The following NRXN3 variants were observed in gnomAD, a reference collection of about 807,000 sequenced individuals.
The protein encoded by NRXN3 is neurexin 3.
NRXN3 carries 32 observed loss-of-function variants against 137.6 expected under a neutral mutation model. The ratio of observed to expected loss-of-function variants is 0.23; its 90% CI spans 0.18 to 0.31. NRXN3 has a LOEUF of 0.31. NRXN3 is among the 10% of genes least tolerant of loss of function. NRXN3 has a pLI of 1.00. For missense variants in NRXN3, 1,574 were observed against 2,062.5 expected (o/e 0.76, Z 4.59); for synonymous variants, 798 against 784.5 (o/e 1.02, Z -0.29).
At chr14:79,859,844 A>G (rs1247853555) in intron 20 of NRXN3, among the ~76,000 whole-genome samples, 1 of 152,208 alleles carries the variant, frequency 6.6e-6, no homozygotes, top group Non-Finnish European at 1.5e-5. Flanking sequence ...CATTCGCAGC[A>G]TCCCTGCGAG....
intron 8 of NRXN3, among the ~76,000 whole-genome samples, chr14:78,729,115 G>A (rs1010906040): frequency 2.6e-5 from 4 of 152,194 alleles, no homozygotes; most frequent in African/African-American, 4.8e-5. Context: ...AGTACATGGA[G>A]GAGTATTATT....
intron 4 of NRXN3, among the ~76,000 whole-genome samples, chr14:78,524,571 T>TA (rs1407015329): frequency 6.6e-5 from 10 of 152,194 alleles, no homozygotes; most frequent in African/African-American, 2.2e-4. Context: ...AATTTTTTTT[T>TA]ATAACAACTT....
At chr14:79,816,915 T>C (rs1476259291) in intron 20 of NRXN3, among the ~76,000 whole-genome samples, 4 of 152,226 alleles carry the variant, frequency 2.6e-5, no homozygotes, top group East Asian at 1.9e-4. Context: ...CATTGCTCTG[T>C]AAAAGAGTTT....
At chr14:78,980,130 A>C (rs1301336134) in intron 14 of NRXN3, among the ~76,000 whole-genome samples, 2 of 152,214 alleles carry the variant, frequency 1.3e-5, no homozygotes, top group African/African-American at 2.4e-5. Flanking sequence ...CCTTTGACTT[A>C]AGCCCTTCAC....
chr14:78,345,341 T>A (rs1044375552), intron 4 of NRXN3, among the ~76,000 whole-genome samples: 16 of 152,206 alleles, frequency 1.1e-4, no homozygotes, highest in African/African-American at 3.9e-4. Flanking sequence ...TCCCTGCTAA[T>A]GTAAATCGCA....
chr14:79,036,701 C>T (rs866768907), intron 15 of NRXN3, among the ~76,000 whole-genome samples: 2 of 144,784 alleles, frequency 1.4e-5, no homozygotes, highest in Non-Finnish European at 3.0e-5. Context: ...ACGACAGTCC[C>T]GAAGGAACTT....
At chr14:78,843,058 A>T (rs1475663357) in intron 10 of NRXN3, among the ~76,000 whole-genome samples, 8 of 152,134 alleles carry the variant, frequency 5.3e-5, no homozygotes, top group African/African-American at 1.7e-4. Context: ...GATGATGGGA[A>T]TAAGAGATTA....
chr14:79,796,365 G>A (rs1176464740), intron 19 of NRXN3, among the ~76,000 whole-genome samples: 3 of 152,100 alleles, frequency 2.0e-5, no homozygotes, highest in African/African-American at 7.2e-5. Context: ...ATTGAAGTTT[G>A]GTTAATCTTC....
At chr14:78,948,991 G>T (rs1347315598) in intron 10 of NRXN3, among the ~76,000 whole-genome samples, 1 of 152,014 alleles carries the variant, frequency 6.6e-6, no homozygotes, top group Non-Finnish European at 1.5e-5. Flanking sequence ...CTAAAGCTGG[G>T]GTATAGTAGA....
chr14:79,568,433 T>G (rs2097569518), intron 16 of NRXN3, among the ~76,000 whole-genome samples: 2 of 152,154 alleles, frequency 1.3e-5, no homozygotes. Context: ...AATTCACCTC[T>G]CTAAGATTAT....
At chr14:78,537,528 G>A (rs571185134) in intron 4 of NRXN3, among the ~76,000 whole-genome samples, 1 of 152,244 alleles carries the variant, frequency 6.6e-6, no homozygotes, top group African/African-American at 2.4e-5. Context: ...CAGATGGGTA[G>A]GTTGCAAAAA....
intron 15 of NRXN3, among the ~76,000 whole-genome samples, chr14:79,227,787 C>T (rs61995408): frequency 0.092 from 3,125 of 33,976 alleles, 288 homozygotes; most frequent in Middle Eastern, 0.31. Flanking sequence ...CCTTCCTTCC[C>T]TCCTCCCTTC....
At chr14:79,276,157 G>A (rs918493353) in intron 15 of NRXN3, among the ~76,000 whole-genome samples, 2 of 152,152 alleles carry the variant, frequency 1.3e-5, no homozygotes, top group African/African-American at 4.8e-5. Flanking sequence ...TATTTAGAAA[G>A]TATCACTGGA....
chr14:78,876,681 C>T (rs1200594004), intron 10 of NRXN3, among the ~76,000 whole-genome samples: 1 of 152,120 alleles, frequency 6.6e-6, no homozygotes. Flanking sequence ...AATAATGGTG[C>T]AGTCACTTAT....
intron 15 of NRXN3, among the ~76,000 whole-genome samples, chr14:79,011,589 A>G (rs1369642828): frequency 2.0e-5 from 3 of 152,008 alleles, no homozygotes; most frequent in African/African-American, 4.8e-5. Context: ...CTTGCAATAA[A>G]CTGTATTCAC....
intron 15 of NRXN3, among the ~76,000 whole-genome samples, chr14:79,418,333 A>C (rs1005876496): frequency 1.3e-5 from 2 of 152,138 alleles, no homozygotes; most frequent in African/African-American, 2.4e-5. Context: ...GGTATACAAG[A>C]GTGGAAACCG....
At chr14:79,661,999 A>G (rs572850237) in intron 16 of NRXN3, among the ~76,000 whole-genome samples, 1 of 152,096 alleles carries the variant, frequency 6.6e-6, no homozygotes, top group African/African-American at 2.4e-5. Flanking sequence ...TGTTCTCATG[A>G]TAGTGAGTGA....
intron 15 of NRXN3, among the ~76,000 whole-genome samples, chr14:79,405,045 T>G (rs1567033721): frequency 1.3e-5 from 2 of 152,150 alleles, no homozygotes; most frequent in South Asian, 2.1e-4. Context: ...CTGTATCATA[T>G]TCCAGTGAAG....
chr14:79,585,110 G>C (rs1374016302), intron 16 of NRXN3, among the ~76,000 whole-genome samples: 1 of 152,198 alleles, frequency 6.6e-6, no homozygotes, highest in Non-Finnish European at 1.5e-5. Context: ...TGTTGCATTT[G>C]TCATCTTAGT....
Sources: allele counts gnomAD v4.1 joint callset (sites outside exome capture counted in the v4.1 genomes callset), GRCh38; gene constraint gnomAD v4.1.1; transcripts MANE v1.5; gene names NCBI Gene and HGNC (gene_info 2026-07-23, HGNC 2026-07-21).